CFAP47: variants seen among roughly 807,000 people sequenced by gnomAD.
CFAP47 encodes cilia- and flagella-associated protein 47.
CFAP47 carries 29 observed loss-of-function variants against 148.1 expected under a neutral mutation model. The observed-to-expected ratio is 0.20, with a 90% CI of 0.15 to 0.27. CFAP47 has a LOEUF of 0.27. CFAP47 is among the 10% of genes least tolerant of loss of function. CFAP47 has a pLI of 1.00. For synonymous variants in CFAP47, 664 were observed against 577.3 expected (o/e 1.15, Z -2.15); for missense variants, 1,872 against 1,697.5 (o/e 1.10, Z -1.81).
chrX:36,083,095 A>C (rs1273090391), intron 29 of CFAP47, among the ~76,000 whole-genome samples: 1 of 110,545 alleles, frequency 9.0e-6, no homozygotes, highest in Non-Finnish European at 1.9e-5. Flanking sequence ...TCAGTTTAAA[A>C]CTCATCATTT....
At chrX:36,173,526 C>T (rs760038620) in intron 39 of CFAP47, among the ~76,000 whole-genome samples, 2 of 111,520 alleles carry the variant, frequency 1.8e-5, no homozygotes, top group African/African-American at 3.3e-5. Context: ...TTTCAAAGAA[C>T]ATCTTTATTT....
At chrX:36,176,761 C>T (rs769599861) in intron 39 of CFAP47, among the ~76,000 whole-genome samples, 6 of 111,396 alleles carry the variant, frequency 5.4e-5, no homozygotes, top group East Asian at 5.6e-4. Context: ...AAAAATTAGC[C>T]GCGCATGGTG....
chrX:36,131,489 G>A (rs1938948713), intron 33 of CFAP47, among the ~76,000 whole-genome samples: 1 of 111,071 alleles, frequency 9.0e-6, no homozygotes, highest in African/African-American at 3.3e-5. Flanking sequence ...AAATAGATTA[G>A]CAATATGATT....
At chrX:36,056,964 C>G (rs1937559261) in intron 26 of CFAP47, among the ~76,000 whole-genome samples, 1 of 112,358 alleles carries the variant, frequency 8.9e-6, no homozygotes, top group African/African-American at 3.2e-5. Flanking sequence ...TTGGTTCCAT[C>G]TCCATTTCTT....
chrX:36,079,443 T>C (rs990999924), intron 29 of CFAP47, among the ~76,000 whole-genome samples: 7 of 111,637 alleles, frequency 6.3e-5, no homozygotes, highest in Non-Finnish European at 1.3e-4. Flanking sequence ...CAGTCACTGA[T>C]ACCCTTTCTT....
rs782545973 is a variant in CFAP47, at chrX:36,360,685, G to A, written c.8852-645G>A. On this transcript the variant is annotated intron_variant, in intron 60 of 63. Coordinates refer to ENST00000378653, the MANE Select transcript of CFAP47 (RefSeq NM_001304548.2). ...TGGAGAGTAAGTTTAATACATGTTT[G>A]TACCTCTCATCTACATGCTAGCTCT... is the stretch of plus-strand genomic sequence containing the variant. Among the ~76,000 whole-genome samples, 9 of 111,788 alleles carry A rather than the reference G, an allele frequency of 8.1e-5. No individual in the cohort carries two copies. In the South Asian group the frequency reaches 3.3e-3, roughly 42 times the overall value.
At chrX:36,382,981 TTTTA>T (rs1942092158) in intron 63 of CFAP47, among the ~76,000 whole-genome samples, 1 of 111,319 alleles carries the variant, frequency 9.0e-6, no homozygotes, top group Admixed American at 9.6e-5. Flanking sequence ...GGATAGTTGC[TTTTA>T]TTTATGGTTA....
Position 35,956,043 on chromosome X carries a change from T to G in CFAP47, c.1257T>G (p.Leu419=), listed in dbSNP as rs767870539. ...TACAGTTTGATCCAGGACCAGTTCT[T>G]AATTTTAAACCTTGTTTCATGGGTG... ...VLLQFDPGPV[L]NFKPCFMGER... The change falls in exon 8 of 64, where the codon CTT becomes CTG. Residue 419 remains leucine (L), a synonymous_variant. Coordinates refer to ENST00000378653, the MANE Select transcript of CFAP47 (RefSeq NM_001304548.2). The G allele has an allele frequency of 2.1e-4, 257 of 1,210,378 alleles. No individual in the cohort carries two copies. The highest frequency in any genetic ancestry group is 2.8e-4 in the Non-Finnish European group (247 of 895,295).
chrX:36,309,063 A>T (rs1556009420), intron 55 of CFAP47, among the ~76,000 whole-genome samples: 1 of 111,550 alleles, frequency 9.0e-6, no homozygotes, highest in African/African-American at 3.2e-5. Context: ...GAGGAGCAGT[A>T]GTAAGCAGCA....
chrX:36,292,093 A>G (rs1941199233), intron 51 of CFAP47, among the ~76,000 whole-genome samples: 1 of 111,307 alleles, frequency 9.0e-6, no homozygotes, highest in Non-Finnish European at 1.9e-5. Context: ...CCAGGTGCCT[A>G]TTAATGCATC....
intron 62 of CFAP47, among the ~76,000 whole-genome samples, chrX:36,369,562 G>A (rs905289561): frequency 1.8e-5 from 2 of 110,765 alleles, no homozygotes; most frequent in Non-Finnish European, 3.8e-5. Flanking sequence ...ATCACATGTT[G>A]GCCATGTCTA....
chrX:36,054,902 A>G (rs1056050682), intron 26 of CFAP47, among the ~76,000 whole-genome samples: 1 of 109,166 alleles, frequency 9.2e-6, no homozygotes, highest in Non-Finnish European at 1.9e-5. Context: ...CTTCCCGAGT[A>G]CCTGGGACTA....
Position 36,201,407 on chromosome X carries a change from G to A in CFAP47, c.6570G>A (p.Ser2190=), listed in dbSNP as rs1939978839. 6.8e-6 allele frequency: 2 copies of A among 295,056 alleles called. No homozygotes were observed. The highest frequency in any genetic ancestry group is 6.2e-5 in the Admixed American group (1 of 16,044). The allele number at this position is 295,056 out of a possible 1,213,427, so 24.3% of individuals were successfully genotyped here. A position where few individuals can be genotyped will look rare whatever the true frequency, so the allele number is the denominator to read the frequency against. The change falls in exon 44 of 64, where the codon TCG becomes TCA. Residue 2190 remains serine (S), a synonymous_variant. Coordinates refer to ENST00000378653, the MANE Select transcript of CFAP47 (RefSeq NM_001304548.2). ...CTTTTGCAGCACAGCAACAGATGTC[G>A]AGTATTGAGTATGAGCGAAGGTTGA... is the stretch of plus-strand genomic sequence containing the variant. ...ALAFAAQQQM[S]SIEYERRLIT...
Position 36,303,873 on chromosome X carries a change from A to T in CFAP47, c.7995A>T (p.Leu2665Phe). 8.8e-7 allele frequency: 1 copy of T among 1,134,416 alleles called. No individual in the cohort carries two copies. The highest frequency in any genetic ancestry group is 1.2e-6 in the Non-Finnish European group (1 of 850,198). The allele number at this position is 1,134,416 out of a possible 1,213,427, so 93.5% of individuals were successfully genotyped here. A position where few individuals can be genotyped will look rare whatever the true frequency, so the allele number is the denominator to read the frequency against. The change falls in exon 54 of 64, where the codon TTA (leucine) becomes TTT (phenylalanine). Residue 2665 changes from leucine (L) to phenylalanine (F), a missense_variant. Physicochemically the swap from Leu to Phe is conservative, Grantham distance 22 (BLOSUM62 0). Transcript: ENST00000378653. The stretch of plus-strand genomic sequence containing the variant: ...GGCATGTCACTCAGATCATTCCTTT[A>T]GTTAATTGTACGCATGAAACCTTAA... The part of the protein sequence containing the change: ...LGKHVTQIIP[L>F]VNCTHETLKL...
chrX:36,198,208 G>A (rs1180370963), intron 42 of CFAP47, among the ~76,000 whole-genome samples: 1 of 111,182 alleles, frequency 9.0e-6, no homozygotes, highest in Admixed American at 9.7e-5. Flanking sequence ...TTTTAGGGAG[G>A]CATAAGACAT....
chrX:35,951,087 C>T, intron 4 of CFAP47, 44 bp from the exon 5 acceptor site: 1 of 930,017 alleles, frequency 1.1e-6, no homozygotes, highest in Non-Finnish European at 1.5e-6. Flanking sequence ...ATATAGAATT[C>T]TAATTAAAAT....
At chrX:36,125,630 G>C (rs1030915275) in intron 33 of CFAP47, among the ~76,000 whole-genome samples, 15 of 111,348 alleles carry the variant, frequency 1.3e-4, no homozygotes, top group African/African-American at 3.9e-4. Flanking sequence ...CCTGACTCCA[G>C]TGATTTACAA....
intron 21 of CFAP47, among the ~76,000 whole-genome samples, chrX:36,007,512 C>T (rs940708208): frequency 8.9e-6 from 1 of 112,088 alleles, no homozygotes; most frequent in African/African-American, 3.2e-5. Flanking sequence ...TTTCTTTCCT[C>T]ATTGAATACC....
chrX:36,371,784 ATATG>A (rs1166330921), intron 62 of CFAP47, among the ~76,000 whole-genome samples: 1 of 54,663 alleles, frequency 1.8e-5, no homozygotes, highest in Non-Finnish European at 2.8e-5. Context: ...ACATGTGTAT[ATATG>A]TGTGTATATA....
Sources: allele counts gnomAD v4.1 joint callset (sites outside exome capture counted in the v4.1 genomes callset), GRCh38; gene constraint gnomAD v4.1.1; transcripts MANE v1.5; gene names NCBI Gene and HGNC (gene_info 2026-07-23, HGNC 2026-07-21).